PRKDC: variants seen among roughly 807,000 people sequenced by gnomAD.
PRKDC encodes DNA-dependent protein kinase catalytic subunit.
A neutral mutation model predicts 486.9 loss-of-function variants in PRKDC; 82 were observed. That is an observed-to-expected ratio of 0.17 (90% CI 0.14 to 0.20). The LOEUF (loss-of-function observed/expected upper bound fraction) is 0.20, where lower values mean the gene tolerates loss of function less well. Among genes scored for constraint, PRKDC ranks in the 10% least tolerant of loss-of-function variants. The pLI is 1.00. For missense variants in PRKDC, 4,504 were observed against 5,038.2 expected (o/e 0.89, Z 3.21); for synonymous variants, 1,895 against 1,837.0 (o/e 1.03, Z -0.81).
At chr8:47,877,578 G>T in intron 40 of PRKDC, 146 bp downstream of exon 40, 1 of 753,240 alleles carries the variant, frequency 1.3e-6, no homozygotes, top group Non-Finnish European at 1.9e-6. Flanking sequence ...AATAATAAAA[G>T]TTTTGTTTTA....
At position 47,812,862 on chromosome 8, in the gene PRKDC, G is replaced by C. The variant is rs563770023; in HGVS notation, c.9557+4588C>G. ...CCCAGATGAATCAAGTGTTAAAAAA[G>C]AGAACACAAATAACCAATATCTGGA... On this transcript the variant is annotated intron_variant, in intron 68 of 85. Coordinates refer to ENST00000314191, the MANE Select transcript of PRKDC (RefSeq NM_006904.7). 1.8e-4 allele frequency among the ~76,000 whole-genome samples: 28 copies of C among 151,862 alleles called. 1 individual carries two copies. Among genetic ancestry groups the C allele is most frequent in the African/African-American group, 6.5e-4 (27 of 41,458 alleles).
In PRKDC at chr8:47,834,500, T is replaced by C; in HGVS notation, c.7952-104A>G. The C allele has an allele frequency of 5.0e-6, 6 of 1,205,560 alleles. No individual in the cohort carries two copies. In the South Asian group the frequency reaches 8.5e-5, roughly 17 times the overall value. 74.7% of individuals were successfully genotyped at this position (1,205,560 alleles called of 1,614,324 possible). The stretch of plus-strand genomic sequence containing the variant: ...CACCTGGTGGCACCCTAGGCCTCCG[T>C]GCTCAACTCCAACCCTGGGCAGAGG... On this transcript the variant is annotated intron_variant, in intron 58 of 85. Transcript: ENST00000314191.
At chr8:47,849,843 G>C (rs2154500223) in intron 52 of PRKDC, among the ~76,000 whole-genome samples, 1 of 152,200 alleles carries the variant, frequency 6.6e-6, no homozygotes, top group East Asian at 1.9e-4. Context: ...GGACCAGTAA[G>C]TCCTTTGAGA....
chr8:47,893,128 G>C lies in PRKDC; in HGVS notation c.3847+11C>G. ...CACGACACACACCAGAATAAGGCAA[G>C]GGTGACCTACCTAGGACCTGGAGCG... On this transcript the variant is annotated intron_variant, in intron 31 of 85. Coordinates refer to ENST00000314191, the MANE Select transcript of PRKDC (RefSeq NM_006904.7). The C allele has an allele frequency of 1.3e-6, 2 of 1,580,534 alleles. No homozygotes were observed. The highest frequency in any genetic ancestry group is 2.3e-5 in the East Asian group (1 of 43,926).
chr8:47,803,931 T>C (rs1226626458), intron 69 of PRKDC, among the ~76,000 whole-genome samples: 10 of 13,120 alleles, frequency 7.6e-4, no homozygotes, highest in African/African-American at 3.1e-3. Flanking sequence ...AGAGCAAGTC[T>C]CCAAAAAAAA....
At chr8:47,884,298 C>A (rs1472290377) in intron 36 of PRKDC, among the ~76,000 whole-genome samples, 1 of 152,192 alleles carries the variant, frequency 6.6e-6, no homozygotes, top group Non-Finnish European at 1.5e-5. Context: ...CTCTTCTCAG[C>A]CTCTGCTCAC....
At chr8:47,958,903 T>G (rs1589822137) in intron 1 of PRKDC, among the ~76,000 whole-genome samples, 1 of 152,208 alleles carries the variant, frequency 6.6e-6, no homozygotes, top group African/African-American at 2.4e-5. Flanking sequence ...GCCCAGTTAA[T>G]TTTTGTATTT....
Position 47,957,159 on chromosome 8 carries a change from T to C in PRKDC, c.324+12A>G. The C allele has an allele frequency of 1.3e-6, 2 of 1,526,700 alleles. No individual in the cohort carries two copies. Among genetic ancestry groups the C allele is most frequent in the Non-Finnish European group, 9.0e-7 (1 of 1,108,710 alleles). The allele number at this position is 1,526,700 out of a possible 1,614,324, so 94.6% of individuals were successfully genotyped here. A position where few individuals can be genotyped will look rare whatever the true frequency, so the allele number is the denominator to read the frequency against. ...ATATATAATGTAATAAGGTATGTTT[T>C]TTAATTCTTACCTTAATTTCAACAG... is the stretch of plus-strand genomic sequence containing the variant. On this transcript the variant is annotated intron_variant, in intron 3 of 85. Transcript: ENST00000314191.
chr8:47,791,465 A>G (rs2154497859), intron 74 of PRKDC, among the ~76,000 whole-genome samples: 1 of 152,268 alleles, frequency 6.6e-6, no homozygotes, highest in South Asian at 2.1e-4. Context: ...ACAGAGCAAT[A>G]CACCGCCTCA....
At chr8:47,888,452 A>C in intron 34 of PRKDC, 66 bp downstream of exon 34, 1 of 1,346,848 alleles carries the variant, frequency 7.4e-7, no homozygotes, top group Non-Finnish European at 9.8e-7. Flanking sequence ...AAGAAATAAT[A>C]TAAATAAATA....
At chr8:47,799,876 AG>A (rs1216380081) in intron 71 of PRKDC, among the ~76,000 whole-genome samples, 1 of 152,252 alleles carries the variant, frequency 6.6e-6, no homozygotes, top group African/African-American at 2.4e-5. Flanking sequence ...ATAAAAATGC[AG>A]AAAAGGCTGA....
chr8:47,938,167 G>T (rs2090385948), intron 11 of PRKDC, among the ~76,000 whole-genome samples: 1 of 151,898 alleles, frequency 6.6e-6, no homozygotes, highest in Non-Finnish European at 1.5e-5. Flanking sequence ...AGCACTTTGG[G>T]AGGCCAAGGT....
In PRKDC at chr8:47,845,687, C is replaced by CAA. The variant is rs374041700; in HGVS notation, c.7280+3465_7280+3466dup. Among the ~76,000 whole-genome samples the CAA allele has an allele frequency of 3.2e-3, 419 of 131,426 alleles. 2 individuals carry two copies. Among genetic ancestry groups the CAA allele is most frequent in the Middle Eastern group, 8.0e-3 (2 of 250 alleles). 86.2% of individuals were successfully genotyped at this position (131,426 alleles called of 152,430 possible). A position where few individuals can be genotyped will look rare whatever the true frequency, so the allele number is the denominator to read the frequency against. ...TCAATAATGAAAAAAACTTACCAAG[C>CAA]AAAAAAAAAAAAAGCAGAAAACAAA... is the stretch of plus-strand genomic sequence containing the variant. On this transcript the variant is annotated intron_variant, in intron 54 of 85. Coordinates refer to ENST00000314191, the MANE Select transcript of PRKDC (RefSeq NM_006904.7).
At chr8:47,786,808 C>A (rs2086800065) in intron 76 of PRKDC, among the ~76,000 whole-genome samples, 2 of 131,218 alleles carry the variant, frequency 1.5e-5, no homozygotes, top group South Asian at 5.0e-4. Context: ...CGGCTCACTG[C>A]AACCTCTGCC....
At chr8:47,875,727 G>A (rs1021005062) in intron 40 of PRKDC, among the ~76,000 whole-genome samples, 19 of 152,124 alleles carry the variant, frequency 1.2e-4, no homozygotes, top group Admixed American at 7.9e-4. Flanking sequence ...ATTTCCTTGT[G>A]TTGTTGAATT....
At chr8:47,798,507 T>C in intron 72 of PRKDC, 110 bp from the exon 73 acceptor site, 2 of 1,188,216 alleles carry the variant, frequency 1.7e-6, no homozygotes, top group African/African-American at 1.6e-5. Flanking sequence ...TGTAGTGTCA[T>C]TGTTCTCTTC....
chr8:47,949,069 CTT>C (rs2154504402), intron 7 of PRKDC, among the ~76,000 whole-genome samples: 1 of 152,308 alleles, frequency 6.6e-6, no homozygotes, highest in East Asian at 1.9e-4. Context: ...GGGGAGAACC[CTT>C]TTCTCACTTC....
chr8:47,780,259 C>T (rs955889274), intron 80 of PRKDC, among the ~76,000 whole-genome samples: 4 of 152,214 alleles, frequency 2.6e-5, no homozygotes, highest in Admixed American at 6.5e-5. Context: ...GATATACACA[C>T]AATCCATAGT....
rs373179037 is a variant in PRKDC at position 47,955,828 on chromosome 8, A to T, written c.399+46T>A. 2.1e-3 allele frequency: 2,943 copies of T among 1,427,622 alleles called. 5 individuals carry two copies. Among genetic ancestry groups the T allele is most frequent in the Non-Finnish European group, 2.6e-3 (2,710 of 1,036,698 alleles). The allele number at this position is 1,427,622 out of a possible 1,614,324, so 88.4% of individuals were successfully genotyped here. ...CTCAAAACTCTGATTTTCTTTTAAA[A>T]GTTACATGTTTAATGTAAAATACGT... On this transcript the variant is annotated intron_variant, in intron 4 of 85. Coordinates refer to ENST00000314191, the MANE Select transcript of PRKDC (RefSeq NM_006904.7).
Sources: allele counts gnomAD v4.1 joint callset (sites outside exome capture counted in the v4.1 genomes callset), GRCh38; gene constraint gnomAD v4.1.1; transcripts MANE v1.5; gene names NCBI Gene and HGNC (gene_info 2026-07-23, HGNC 2026-07-21).